GBP7: variants seen among roughly 807,000 people sequenced by gnomAD.
GBP7 encodes the protein guanylate binding protein 7.
In GBP7, 43 loss-of-function variants were observed where a neutral mutation model predicts 61.3. That is an observed-to-expected ratio of 0.70 (90% CI 0.55 to 0.91). The LOEUF (loss-of-function observed/expected upper bound fraction) is 0.91, where lower values mean the gene tolerates loss of function less well. Among genes scored for constraint, GBP7 ranks in the 40% least tolerant of loss-of-function variants. GBP7 has a pLI of 0.00. For synonymous variants in GBP7, 267 were observed against 271.0 expected, an observed-to-expected ratio of 0.99 and a Z score of 0.14; for missense variants, 717 against 740.5, an observed-to-expected ratio of 0.97 and a Z score of 0.37.
At chr1:89,139,368 T>C (rs1343356894) in intron 9 of GBP7, among the ~76,000 whole-genome samples, 1 of 152,150 alleles carries the variant, frequency 6.6e-6, no homozygotes, top group Non-Finnish European at 1.5e-5. Context: ...GCAATATCAT[T>C]CAGGACATAG....
At chr1:89,144,531 C>T (rs1386973774) in intron 8 of GBP7, among the ~76,000 whole-genome samples, 3 of 152,164 alleles carry the variant, frequency 2.0e-5, no homozygotes, top group Non-Finnish European at 4.4e-5. Context: ...TTCTCTACAA[C>T]CTCACCAGTA....
chr1:89,170,599 C>G (rs548119843), intron 2 of GBP7, among the ~76,000 whole-genome samples: 8 of 152,232 alleles, frequency 5.3e-5, no homozygotes, highest in African/African-American at 1.9e-4. Context: ...AAGTATAAAA[C>G]TACAGGATGA....
chr1:89,136,396 T>G (rs1278891224), intron 9 of GBP7, among the ~76,000 whole-genome samples: 1 of 151,978 alleles, frequency 6.6e-6, no homozygotes, highest in Non-Finnish European at 1.5e-5. Flanking sequence ...ACTCTAAAAT[T>G]GACTCCTTGC....
At position 89,140,464 on chromosome 1, in the gene GBP7, AAAAAAAG is replaced by A. The variant is rs1395110307; in HGVS notation, c.1468+1075_1468+1081del. ...ATAATAATAATAAAAAAAACTGAAAAAAAAAAGAAAAATGCAGGTAGAAAGCACATGA... is the reference window on the plus strand; with the variant it reads ...ATAATAATAATAAAAAAAACTGAAAAAAAAATGCAGGTAGAAAGCACATGA... On this transcript the variant is annotated intron_variant, in intron 9 of 10. Coordinates refer to ENST00000294671, the MANE Select transcript of GBP7 (RefSeq NM_207398.3). Among the ~76,000 whole-genome samples, 54 of 151,842 alleles carry A rather than the reference AAAAAAAG, an allele frequency of 3.6e-4. 5 individuals carry two copies. The highest frequency in any genetic ancestry group is 9.2e-4 in the Admixed American group (14 of 15,262).
chr1:89,149,454 T>C lies in GBP7; in HGVS notation c.990A>G (p.Ala330=). Residue 330 remains alanine, a synonymous_variant, in exon 7 of 11, where the codon GCA becomes GCG. Transcript: ENST00000294671. Reference sequence around the variant, plus strand: ...CCATCTGCTGGCTGTAGTGGTTGGCTGCCCTCTGCACGGCTGCTGAGTTCT... The same window carrying C: ...CCATCTGCTGGCTGTAGTGGTTGGCCGCCCTCTGCACGGCTGCTGAGTTCT... ...QCENSAAVQR[A]ANHYSQQMAQ... is the part of the protein sequence containing the mutation. 6.2e-7 allele frequency: 1 copy of C among 1,614,176 alleles called. No individual in the cohort carries two copies. Among genetic ancestry groups the C allele is most frequent in the Non-Finnish European group, 8.5e-7 (1 of 1,180,032 alleles).
chr1:89,147,638 G>C lies in GBP7; in HGVS notation c.1294C>G (p.His432Asp), dbSNP rs138127555. ...TTTTTTGCTTCTAAGTAGATATTGT[G>C]CCCCCCCGGAACAAAGAAAGTTCCT... ...SRGTFFVPGGHNIYLEAKKKI... is the reference protein window; with the variant it reads ...SRGTFFVPGGDNIYLEAKKKI... Residue 432 changes from histidine to aspartate, a missense_variant, in exon 8 of 11, where the codon CAC (histidine) becomes GAC (aspartate). His to Asp is a moderately conservative substitution (Grantham distance 81, BLOSUM62 -1). Coordinates refer to ENST00000294671, the MANE Select transcript of GBP7 (RefSeq NM_207398.3). 2.7e-5 allele frequency: 43 copies of C among 1,613,660 alleles called. No individual in the cohort carries two copies. Among genetic ancestry groups the C allele is most frequent in the African/African-American group, 5.3e-5 (4 of 74,802 alleles).
At chr1:89,163,851 T>C (rs561877136) in intron 3 of GBP7, among the ~76,000 whole-genome samples, 1 of 151,970 alleles carries the variant, frequency 6.6e-6, no homozygotes, top group South Asian at 2.1e-4. Flanking sequence ...TTCTTTCTTT[T>C]TTTTTTGTTT....
Position 89,150,411 on chromosome 1 carries a change from G to C in GBP7, c.790C>G (p.Gln264Glu). 1 of 1,613,472 alleles carries C rather than the reference G, an allele frequency of 6.2e-7. No individual in the cohort carries two copies. Among genetic ancestry groups the C allele is most frequent in the Non-Finnish European group, 8.5e-7 (1 of 1,179,446 alleles). Reference sequence around the variant, plus strand: ...ATATAAGAACAGAAATTTTCTGATTGCATCTGGAAATTACTATCCAGTTGG... The same window carrying C: ...ATATAAGAACAGAAATTTTCTGATTCCATCTGGAAATTACTATCCAGTTGG... The part of the protein sequence containing the change: ...EDQLDSNFQM[Q>E]SENFCSYIFT... Residue 264 changes from glutamine to glutamate, a missense_variant, in exon 6 of 11, where the codon CAA becomes GAA. By Grantham distance (29) the Gln-to-Glu change is conservative. Transcript: ENST00000294671.
chr1:89,172,874 C>T (rs542290103), intron 1 of GBP7, among the ~76,000 whole-genome samples: 3 of 151,866 alleles, frequency 2.0e-5, no homozygotes, highest in South Asian at 2.1e-4. Flanking sequence ...GGAGTTCTAC[C>T]GTGAGCAAGG....
At chr1:89,166,563 G>GT (rs1647449108) in intron 2 of GBP7, among the ~76,000 whole-genome samples, 1 of 152,176 alleles carries the variant, frequency 6.6e-6, no homozygotes, top group Non-Finnish European at 1.5e-5. Flanking sequence ...GAATTAAAAA[G>GT]TTATACCTTG....
At chr1:89,146,701 C>A (rs1367579207) in intron 8 of GBP7, among the ~76,000 whole-genome samples, 1 of 152,134 alleles carries the variant, frequency 6.6e-6, no homozygotes, top group African/African-American at 2.4e-5. Flanking sequence ...TGTTCCGCAT[C>A]ACTAATCTTC....
In GBP7 at chr1:89,149,640, A is replaced by G. The variant is rs1042743829; in HGVS notation, c.872-68T>C. 8 of 1,335,814 alleles carry G rather than the reference A, an allele frequency of 6.0e-6. No individual in the cohort carries two copies. In the African/African-American group the frequency reaches 1.2e-4, roughly 20 times the overall value. The allele number at this position is 1,335,814 out of a possible 1,614,324, so 82.7% of individuals were successfully genotyped here. On this transcript the variant is annotated intron_variant, in intron 6 of 10. Transcript: ENST00000294671. The stretch of plus-strand genomic sequence containing the variant: ...ACTCATTGTTTTACGAGTGGTATGT[A>G]TCAGCATTCTAAAAATCAGAAAAAA...
At chr1:89,150,850 A>T (rs1195485177) in intron 5 of GBP7, among the ~76,000 whole-genome samples, 2 of 152,204 alleles carry the variant, frequency 1.3e-5, no homozygotes, top group African/African-American at 4.8e-5. Flanking sequence ...TTCCTCAGCC[A>T]CTGTATGATG....
rs535536358 is a variant in GBP7, at chr1:89,157,565, A to G, written c.319-4788T>C. ...CAGAAATACAAACTACCATCAGAGA[A>G]TAGTATAAACACCTCTACCAAATAA... On this transcript the variant is annotated intron_variant, in intron 3 of 10. Transcript: ENST00000294671. Among the ~76,000 whole-genome samples the G allele has an allele frequency of 5.5e-4, 83 of 152,288 alleles. 2 individuals are homozygous for G. The highest frequency in any genetic ancestry group is 1.9e-4 in the Non-Finnish European group (13 of 68,014).
chr1:89,157,083 A>G (rs1682334688), intron 3 of GBP7, among the ~76,000 whole-genome samples: 1 of 152,256 alleles, frequency 6.6e-6, no homozygotes, highest in South Asian at 2.1e-4. Context: ...TGGAAACTGA[A>G]TAACTGTCTC....
At chr1:89,150,155 T>G (rs1682158535) in intron 6 of GBP7, among the ~76,000 whole-genome samples, 175 bp downstream of exon 6, 1 of 152,226 alleles carries the variant, frequency 6.6e-6, no homozygotes, top group Non-Finnish European at 1.5e-5. Context: ...TTCTGTTTTG[T>G]GTAAATTCAC....
chr1:89,140,019 A>G (rs924593328), intron 9 of GBP7, among the ~76,000 whole-genome samples: 1 of 152,152 alleles, frequency 6.6e-6, no homozygotes, highest in Admixed American at 6.5e-5. Context: ...ACTATTCACA[A>G]TAGCAAAGAC....
chr1:89,147,852 G>C, intron 7 of GBP7, 73 bp from the exon 8 acceptor site: 1 of 1,493,464 alleles, frequency 6.7e-7, no homozygotes, highest in Non-Finnish European at 9.3e-7. Context: ...GATCCTCTTG[G>C]AAGAAGTAGT....
intron 1 of GBP7, among the ~76,000 whole-genome samples, chr1:89,172,459 C>T (rs1049770722): frequency 6.6e-6 from 1 of 152,108 alleles, no homozygotes; most frequent in African/African-American, 2.4e-5. Flanking sequence ...TAGCACTGGC[C>T]TGTGATTTTG....
Sources: allele counts gnomAD v4.1 joint callset (sites outside exome capture counted in the v4.1 genomes callset), GRCh38; gene constraint gnomAD v4.1.1; transcripts MANE v1.5; gene names NCBI Gene and HGNC (gene_info 2026-07-23, HGNC 2026-07-21).